The following ENDOD1 variants were observed in gnomAD, a reference collection of about 807,000 sequenced individuals.
ENDOD1 encodes the protein endonuclease domain containing 1, also known as endonuclease domain-containing 1 protein.
Under a neutral mutation model 6.5 loss-of-function variants are expected in ENDOD1, and 9 were observed. The observed-to-expected ratio is 1.39, with a 90% CI of 0.84 to 2.43. The LOEUF (loss-of-function observed/expected upper bound fraction) is 2.43. Among genes scored for constraint, ENDOD1 ranks in the 30% most tolerant of loss-of-function variants. The pLI is 0.00. For missense variants in ENDOD1, 648 were observed against 635.5 expected (o/e 1.02, Z -0.21); for synonymous variants, 255 against 255.2 (o/e 1.00, Z 0.01).
chr11:95,127,824 A>G (rs1859325970), intron 1 of ENDOD1, among the ~76,000 whole-genome samples: 1 of 151,956 alleles, frequency 6.6e-6, no homozygotes, highest in Non-Finnish European at 1.5e-5. Flanking sequence ...AAATGGTGCA[A>G]TCTCAGCTCA....
At chr11:95,111,763 A>G (rs1859152822) in intron 1 of ENDOD1, among the ~76,000 whole-genome samples, 1 of 152,088 alleles carries the variant, frequency 6.6e-6, no homozygotes, top group African/African-American at 2.4e-5. Flanking sequence ...TGCTGTGTGG[A>G]CCAGTACTGG....
intron 1 of ENDOD1, among the ~76,000 whole-genome samples, chr11:95,116,927 A>T (rs1390618117): frequency 2.0e-5 from 3 of 152,232 alleles, no homozygotes; most frequent in Non-Finnish European, 4.4e-5. Context: ...CTTAAGAATG[A>T]TTCATGTGCT....
chr11:95,126,988 A>G (rs1859318290), intron 1 of ENDOD1, among the ~76,000 whole-genome samples: 1 of 152,128 alleles, frequency 6.6e-6, no homozygotes, highest in South Asian at 2.1e-4. Flanking sequence ...GCCTGGCCAT[A>G]ATGGTTTTTA....
chr11:95,120,065 A>C (rs1859247390), intron 1 of ENDOD1, among the ~76,000 whole-genome samples: 1 of 152,146 alleles, frequency 6.6e-6, no homozygotes, highest in Non-Finnish European at 1.5e-5. Context: ...CTTTGAGGGC[A>C]GTGGGCTCCC....
intron 1 of ENDOD1, among the ~76,000 whole-genome samples, chr11:95,115,671 C>G (rs1859201621): frequency 6.6e-6 from 1 of 151,958 alleles, no homozygotes; most frequent in Admixed American, 6.6e-5. Context: ...CCTTCTATCC[C>G]TGCTTTTTTG....
At chr11:95,108,958 T>C (rs782048358) in intron 1 of ENDOD1, among the ~76,000 whole-genome samples, 15 of 152,184 alleles carry the variant, frequency 9.9e-5, no homozygotes, top group Non-Finnish European at 2.2e-4. Flanking sequence ...GGAGGGGCTC[T>C]TTGACCCACC....
intron 1 of ENDOD1, among the ~76,000 whole-genome samples, chr11:95,125,484 G>A (rs1238514358): frequency 6.6e-6 from 1 of 151,944 alleles, no homozygotes; most frequent in Non-Finnish European, 1.5e-5. Flanking sequence ...GGGTACATGT[G>A]CACAACGTGC....
chr11:95,109,754 A>G (rs1323260656), intron 1 of ENDOD1, among the ~76,000 whole-genome samples: 1 of 152,070 alleles, frequency 6.6e-6, no homozygotes, highest in African/African-American at 2.4e-5. Context: ...TCGAGAATCC[A>G]CCCTTCTCCT....
At chr11:95,094,760 T>C (rs1555110148) in intron 1 of ENDOD1, among the ~76,000 whole-genome samples, 1 of 152,256 alleles carries the variant, frequency 6.6e-6, no homozygotes, top group Non-Finnish European at 1.5e-5. Context: ...TACACTTAAA[T>C]CTCTGTGTAA....
chr11:95,106,460 CG>C (rs1859090187), intron 1 of ENDOD1, among the ~76,000 whole-genome samples: 1 of 151,966 alleles, frequency 6.6e-6, no homozygotes, highest in Non-Finnish European at 1.5e-5. Context: ...AGAAATTTGG[CG>C]GGGAGGCCTA....
At chr11:95,114,825 G>T (rs1393415828) in intron 1 of ENDOD1, among the ~76,000 whole-genome samples, 1 of 152,046 alleles carries the variant, frequency 6.6e-6, no homozygotes, top group Non-Finnish European at 1.5e-5. Flanking sequence ...TTTGTTTCTG[G>T]GTTATTTATT....
At chr11:95,108,535 A>C (rs937686123) in intron 1 of ENDOD1, among the ~76,000 whole-genome samples, 3 of 148,240 alleles carry the variant, frequency 2.0e-5, no homozygotes, top group Admixed American at 1.3e-4. Context: ...ACAGACACCC[A>C]AAAAAAGAAA....
chr11:95,100,659 AT>A (rs1196165369), intron 1 of ENDOD1, among the ~76,000 whole-genome samples: 131 of 141,982 alleles, frequency 9.2e-4, no homozygotes, highest in Admixed American at 1.3e-3. Flanking sequence ...AATTTTATGT[AT>A]TTTTTTTTTT....
At chr11:95,098,105 C>A (rs1487693065) in intron 1 of ENDOD1, among the ~76,000 whole-genome samples, 1 of 151,790 alleles carries the variant, frequency 6.6e-6, no homozygotes, top group Non-Finnish European at 1.5e-5. Context: ...ACTCAAAAAG[C>A]TTTGGATTTT....
intron 1 of ENDOD1, among the ~76,000 whole-genome samples, chr11:95,118,858 T>A (rs1859236063): frequency 6.6e-6 from 1 of 152,204 alleles, no homozygotes; most frequent in Non-Finnish European, 1.5e-5. Flanking sequence ...TTATTCTTTT[T>A]CTTTTGTCTC....
chr11:95,110,657 T>G (rs1859140551), intron 1 of ENDOD1, among the ~76,000 whole-genome samples: 1 of 152,114 alleles, frequency 6.6e-6, no homozygotes, highest in Non-Finnish European at 1.5e-5. Context: ...TACAAGCCTC[T>G]CTCCCCTTTT....
At chr11:95,123,393 C>T (rs1859281363) in intron 1 of ENDOD1, among the ~76,000 whole-genome samples, 1 of 150,506 alleles carries the variant, frequency 6.6e-6, no homozygotes, top group South Asian at 2.1e-4. Context: ...ATAGTTAATA[C>T]AAAGGAATTA....
At chr11:95,109,985 T>C (rs1242126251) in intron 1 of ENDOD1, among the ~76,000 whole-genome samples, 1 of 152,258 alleles carries the variant, frequency 6.6e-6, no homozygotes, top group South Asian at 2.1e-4. Context: ...TGCAGATCAT[T>C]GCTGGGGGTG....
At chr11:95,109,121 C>A (rs1210704175) in intron 1 of ENDOD1, among the ~76,000 whole-genome samples, 4 of 152,172 alleles carry the variant, frequency 2.6e-5, no homozygotes, top group African/African-American at 4.8e-5. Context: ...ATAAAACAAA[C>A]CCCTAAGGAA....
Sources: allele counts gnomAD v4.1 joint callset (sites outside exome capture counted in the v4.1 genomes callset), GRCh38; gene constraint gnomAD v4.1.1; transcripts MANE v1.5; gene names NCBI Gene and HGNC (gene_info 2026-07-23, HGNC 2026-07-21).